The following MDN1 variants were observed in gnomAD, a reference collection of about 807,000 sequenced individuals.
MDN1 encodes midasin.
A neutral mutation model predicts 669.2 loss-of-function variants in MDN1; 266 were observed. The observed-to-expected ratio is 0.40, with a 90% CI of 0.36 to 0.44. The LOEUF is 0.44. MDN1 is among the 20% of genes least tolerant of loss of function. The pLI is 1.00. For missense variants in MDN1, 5,940 were observed against 6,754.0 expected, an observed-to-expected ratio of 0.88 and a Z score of 4.22; for synonymous variants, 2,385 against 2,457.1, an observed-to-expected ratio of 0.97 and a Z score of 0.87.
At chr6:89,696,703 C>A (rs1181335566) in intron 59 of MDN1, 129 bp from the exon 60 acceptor site, 2 of 673,502 alleles carry the variant, frequency 3.0e-6, no homozygotes, top group Non-Finnish European at 5.2e-6. Flanking sequence ...CACTCAGAGA[C>A]TGGCCTAGAA....
intron 52 of MDN1, among the ~76,000 whole-genome samples, 193 bp from the exon 53 acceptor site, chr6:89,706,385 G>C (rs36090557): frequency 2.0e-5 from 3 of 152,076 alleles, no homozygotes; most frequent in African/African-American, 7.2e-5. Flanking sequence ...CTTAGAATCA[G>C]AAGTCTTTCA....
chr6:89,784,274 C>T (rs956524613), intron 9 of MDN1, among the ~76,000 whole-genome samples: 2 of 151,930 alleles, frequency 1.3e-5, no homozygotes, highest in African/African-American at 4.8e-5. Flanking sequence ...CAAGATCACG[C>T]CATTGCACTC....
rs1272097476 is a variant in MDN1, at chr6:89,793,774, G to T, written c.843C>A (p.Ala281=). The change falls in exon 5 of 102, where the codon GCC becomes GCA. Residue 281 remains alanine (A), a synonymous_variant. Coordinates refer to ENST00000369393, the MANE Select transcript of MDN1 (RefSeq NM_014611.3). ...GATACCAACATACCAGCTCTCCAGG[G>T]GCTGGCAGCTGCCCAGGCAGCACCA... The part of the protein sequence containing the change: ...CGVVLPGQLP[A]PGELGGNRSS... 37 of 1,613,546 alleles carry T rather than the reference G, an allele frequency of 2.3e-5. No individual in the cohort carries two copies. Among genetic ancestry groups the T allele is most frequent in the Non-Finnish European group, 3.1e-5 (36 of 1,179,824 alleles).
chr6:89,754,250 C>T lies in MDN1; in HGVS notation c.2817-20G>A, dbSNP rs142828617. 122 of 1,605,006 alleles carry T rather than the reference C, an allele frequency of 7.6e-5. No homozygotes were observed. In the East Asian group the frequency reaches 2.7e-3, roughly 36 times the overall value. ...TAGAAGCTACAAATAGAATAAAGGT[C>T]AGGCAATTTTATTTACTAATAAGTA... On this transcript the variant is annotated intron_variant, in intron 20 of 101. Coordinates refer to ENST00000369393, the MANE Select transcript of MDN1 (RefSeq NM_014611.3).
intron 36 of MDN1, among the ~76,000 whole-genome samples, chr6:89,728,434 C>T (rs1815372446): frequency 2.0e-5 from 3 of 152,122 alleles, no homozygotes; most frequent in Admixed American, 2.0e-4. Context: ...TAGAATAAAG[C>T]ATCCAGAGAG....
intron 69 of MDN1, among the ~76,000 whole-genome samples, chr6:89,686,392 T>A (rs1234485570): frequency 2.0e-5 from 3 of 152,002 alleles, no homozygotes; most frequent in Middle Eastern, 3.4e-3. Context: ...ACCACTGTAC[T>A]CCAGCCTGGG....
intron 7 of MDN1, 102 bp from the exon 8 acceptor site, chr6:89,788,059 A>C: frequency 1.0e-6 from 1 of 993,650 alleles, no homozygotes; most frequent in Non-Finnish European, 1.5e-6. Flanking sequence ...ACACCCTTAA[A>C]GGAAACGTCA....
At chr6:89,714,469 G>T in intron 46 of MDN1, 74 bp downstream of exon 46, 1 of 1,234,602 alleles carries the variant, frequency 8.1e-7, no homozygotes, top group Non-Finnish European at 1.1e-6. Context: ...AATCTTTGAT[G>T]AGCAGTCCAA....
At chr6:89,731,020 G>T (rs1212259696) in intron 34 of MDN1, 97 bp from the exon 35 acceptor site, 1 of 1,092,992 alleles carries the variant, frequency 9.1e-7, no homozygotes, top group South Asian at 1.6e-5. Flanking sequence ...GAAAAAAGAG[G>T]CCTCAGCAAA....
At chr6:89,771,187 T>C (rs945238597) in intron 15 of MDN1, among the ~76,000 whole-genome samples, 1 of 152,210 alleles carries the variant, frequency 6.6e-6, no homozygotes, top group East Asian at 1.9e-4. Context: ...ACCAGAAGAA[T>C]GACTGATCCT....
intron 11 of MDN1, among the ~76,000 whole-genome samples, chr6:89,778,434 G>GA (rs1196860699): frequency 6.6e-6 from 1 of 151,686 alleles, no homozygotes; most frequent in Non-Finnish European, 1.5e-5. Flanking sequence ...TAATAAGCAG[G>GA]AAAACTTATA....
intron 76 of MDN1, 24 bp from the exon 77 acceptor site, chr6:89,676,231 T>C: frequency 6.2e-7 from 1 of 1,608,472 alleles, no homozygotes; most frequent in Non-Finnish European, 8.5e-7. Flanking sequence ...CAACATTGTT[T>C]ACTTAATTAA....
intron 17 of MDN1, among the ~76,000 whole-genome samples, chr6:89,761,416 G>A (rs1423813383): frequency 6.6e-6 from 1 of 151,956 alleles, no homozygotes; most frequent in African/African-American, 2.4e-5. Flanking sequence ...TGTACCCCAT[G>A]AATATATACA....
chr6:89,744,545 G>A (rs951383363), intron 29 of MDN1, among the ~76,000 whole-genome samples: 2 of 152,086 alleles, frequency 1.3e-5, no homozygotes, highest in African/African-American at 2.4e-5. Context: ...TAGGACTACA[G>A]GCAGATGCCA....
intron 82 of MDN1, among the ~76,000 whole-genome samples, chr6:89,671,662 G>A (rs1479103671): frequency 6.6e-6 from 1 of 152,108 alleles, no homozygotes; most frequent in Non-Finnish European, 1.5e-5. Flanking sequence ...CTCCAGCCTC[G>A]ACAACAGAAT....
chr6:89,710,835 T>C, intron 49 of MDN1, 41 bp from the exon 50 acceptor site: 1 of 1,204,038 alleles, frequency 8.3e-7, no homozygotes, highest in South Asian at 1.4e-5. Flanking sequence ...TCTAAAGCAG[T>C]GCTATCCAAT....
chr6:89,818,484 T>C lies in MDN1; in HGVS notation c.102+1022A>G, dbSNP rs543864220. 7.3e-5 allele frequency among the ~76,000 whole-genome samples: 11 copies of C among 151,686 alleles called. 1 individual carries two copies. In the South Asian group the frequency reaches 1.9e-3, roughly 26 times the overall value. ...CCTTACAACTACAAAAAAAAAATTT[T>C]TTTTTTAATTAGCCACACCTGGGAC... On this transcript the variant is annotated intron_variant, in intron 1 of 101. Coordinates refer to ENST00000369393, the MANE Select transcript of MDN1 (RefSeq NM_014611.3).
rs1812654368 is a variant in MDN1, at chr6:89,695,222, G to C, written c.9771+383C>G. On this transcript the variant is annotated intron_variant, in intron 61 of 101. Transcript: ENST00000369393. The surrounding 1 kb of genome is among the most constrained non-coding windows in gnomAD (Gnocchi z 4.1). ...ACTCCTGCCTGGACGAGAAAGCAAG[G>C]CTCCATCTCAAAAACAAACAAACAA... Among the ~76,000 whole-genome samples the C allele has an allele frequency of 6.6e-6, 1 of 152,124 alleles. No homozygotes were observed. Among genetic ancestry groups the C allele is most frequent in the Non-Finnish European group, 1.5e-5 (1 of 68,018 alleles).
intron 67 of MDN1, 23 bp downstream of exon 67, chr6:89,688,055 G>A (rs1812139877): frequency 6.3e-7 from 1 of 1,589,612 alleles, no homozygotes; most frequent in African/African-American, 1.3e-5. Context: ...CAACTAAAAT[G>A]AGGAAGAGAG....
Sources: allele counts gnomAD v4.1 joint callset (sites outside exome capture counted in the v4.1 genomes callset), GRCh38; gene constraint gnomAD v4.1.1; non-coding constraint Gnocchi (gnomAD v3.1); transcripts MANE v1.5; gene names NCBI Gene and HGNC (gene_info 2026-07-23, HGNC 2026-07-21).